The following ANKRD11 variants were observed in gnomAD, a reference collection of about 807,000 sequenced individuals.
The protein encoded by ANKRD11 is ankyrin repeat domain-containing protein 11.
Under a neutral mutation model 195.7 loss-of-function variants are expected in ANKRD11, and 17 were observed. That is an observed-to-expected ratio of 0.09 (90% CI 0.06 to 0.13). The LOEUF (loss-of-function observed/expected upper bound fraction) is 0.13, where lower values mean the gene tolerates loss of function less well. ANKRD11 is among the 10% of genes least tolerant of loss of function. ANKRD11 has a pLI of 1.00. For missense variants in ANKRD11, 3,735 were observed against 3,566.1 expected, an observed-to-expected ratio of 1.05 and a Z score of -1.21; for synonymous variants, 1,953 against 1,528.1, an observed-to-expected ratio of 1.28 and a Z score of -6.49.
Position 89,287,228 on chromosome 16 carries a change from C to G in ANKRD11, c.745-1042G>C. The G allele has an allele frequency of 5.1e-6, 3 of 587,616 alleles. No individual in the cohort carries two copies. In the South Asian group the frequency reaches 5.4e-5, roughly 11 times the overall value. 36.4% of individuals were successfully genotyped at this position (587,616 alleles called of 1,614,324 possible). The stretch of plus-strand genomic sequence containing the variant: ...TAAGGCCAGCAGCGCAGGTGCGGCC[C>G]TCCTCGGGTTCTAACCTCTCCTGCT... On this transcript the variant is annotated intron_variant, in intron 7 of 12. Coordinates refer to ENST00000301030, the MANE Select transcript of ANKRD11 (RefSeq NM_013275.6).
At chr16:89,441,850 A>C (rs2043520056) in intron 1 of ANKRD11, among the ~76,000 whole-genome samples, 1 of 150,156 alleles carries the variant, frequency 6.7e-6, no homozygotes, top group African/African-American at 2.5e-5. Flanking sequence ...CAGTGTCCAC[A>C]AGCAGGAATC....
intron 4 of ANKRD11, among the ~76,000 whole-genome samples, chr16:89,296,146 GGCT>G (rs1365730479): frequency 1.3e-5 from 2 of 151,778 alleles, no homozygotes; most frequent in African/African-American, 4.8e-5. Flanking sequence ...GTGTGCCTCT[GGCT>G]GCTTTTAACA....
At chr16:89,330,710 G>A (rs1330799648) in intron 2 of ANKRD11, among the ~76,000 whole-genome samples, 44 of 137,326 alleles carry the variant, frequency 3.2e-4, no homozygotes, top group Non-Finnish European at 2.1e-4. Flanking sequence ...CTCTTGTATC[G>A]GAAGTCCCAC....
intron 2 of ANKRD11, among the ~76,000 whole-genome samples, chr16:89,345,562 T>C (rs1485713790): frequency 3.3e-5 from 5 of 152,242 alleles, no homozygotes; most frequent in Admixed American, 2.6e-4. Context: ...TAAATTTCTG[T>C]TCTTTATAAA....
At chr16:89,439,755 C>T (rs2043365003) in intron 1 of ANKRD11, among the ~76,000 whole-genome samples, 1 of 152,208 alleles carries the variant, frequency 6.6e-6, no homozygotes, top group South Asian at 2.1e-4. Flanking sequence ...TGACACACAA[C>T]ACCAAAGGTG....
rs1342032421 is a variant in ANKRD11 at position 89,286,801 on chromosome 16, C to T, written c.745-615G>A. Reference sequence around the variant, plus strand: ...ACAGCTCTTTTCAGCTGTTCATCACCAGCAACCTGGATTTCCTATGCCCAG... The same window carrying T: ...ACAGCTCTTTTCAGCTGTTCATCACTAGCAACCTGGATTTCCTATGCCCAG... On this transcript the variant is annotated intron_variant, in intron 7 of 12. Transcript: ENST00000301030. 9 of 1,287,110 alleles carry T rather than the reference C, an allele frequency of 7.0e-6. No individual in the cohort carries two copies. The Admixed American group carries it at 2.1e-4, about 30-fold the overall frequency. 79.7% of individuals were successfully genotyped at this position (1,287,110 alleles called of 1,614,324 possible).
At position 89,284,813 on chromosome 16, in the gene ANKRD11, A is replaced by T. The variant is rs1443831366; in HGVS notation, c.1729T>A (p.Ser577Thr). 1 of 1,613,584 alleles carries T rather than the reference A, an allele frequency of 6.2e-7. No individual in the cohort carries two copies. The highest frequency in any genetic ancestry group is 1.3e-5 in the African/African-American group (1 of 74,942). ...CTGGAGCCCTCAGAGGAGTAGTCAG[A>T]CTCGCTTGTCAGTCTCGTCCTTGTG... ...DSTRTRLTSE[S>T]DYSSEGSSVE... Residue 577 changes from serine (S) to threonine (T), a missense_variant, in exon 9 of 13, where the codon TCT becomes ACT. Transcript: ENST00000301030.
rs749819586 is a variant in ANKRD11, at chr16:89,286,030, G to A, written c.892+9C>T. The A allele has an allele frequency of 5.0e-6, 8 of 1,614,178 alleles. No individual in the cohort carries two copies. The highest frequency in any genetic ancestry group is 1.3e-5 in the African/African-American group (1 of 75,068). On this transcript the variant is annotated intron_variant, in intron 8 of 12. Transcript: ENST00000301030. ...AAAAGAACAGGCAGCTCAGGTGGCCGTGACTTACCCGTCGAGCTCTCCTCG... is the reference window on the plus strand; with the variant it reads ...AAAAGAACAGGCAGCTCAGGTGGCCATGACTTACCCGTCGAGCTCTCCTCG...
At chr16:89,375,537 G>GC (rs1306662369) in intron 2 of ANKRD11, among the ~76,000 whole-genome samples, 1 of 151,822 alleles carries the variant, frequency 6.6e-6, no homozygotes. Flanking sequence ...TTGGCTCGCT[G>GC]CAACCTCTGC....
rs186069000 is a variant in ANKRD11 at position 89,407,610 on chromosome 16, C to T, written c.-60+10674G>A. 4.6e-3 allele frequency among the ~76,000 whole-genome samples: 694 copies of T among 152,350 alleles called. 4 individuals are homozygous for T. The highest frequency in any genetic ancestry group is 0.011 in the Admixed American group (162 of 15,292). On this transcript the variant is annotated intron_variant, in intron 2 of 12. Coordinates refer to ENST00000301030, the MANE Select transcript of ANKRD11 (RefSeq NM_013275.6). ...CCGAGGCAGGTGGATTGCTTGAGTT[C>T]AGGAGTTCAAGACCAGCCTGAGTAA...
At chr16:89,391,096 T>C (rs1207312894) in intron 2 of ANKRD11, among the ~76,000 whole-genome samples, 3 of 151,716 alleles carry the variant, frequency 2.0e-5, no homozygotes, top group Non-Finnish European at 2.9e-5. Context: ...GGCGCGGTGG[T>C]GGGCGCCTGT....
rs1004698072 is a variant in ANKRD11 at position 89,391,853 on chromosome 16, G to A, written c.-60+26431C>T. ...TACTGACATTCTTAAATATCTGCTA[G>A]CCTTAATAAAGAAATCAATGTACTT... On this transcript the variant is annotated intron_variant, in intron 2 of 12. Coordinates refer to ENST00000301030, the MANE Select transcript of ANKRD11 (RefSeq NM_013275.6). Among the ~76,000 whole-genome samples, 9 of 152,306 alleles carry A rather than the reference G, an allele frequency of 5.9e-5. No individual in the cohort carries two copies. In the South Asian group the frequency reaches 1.2e-3, roughly 21 times the overall value.
chr16:89,326,132 A>G (rs1485863517), intron 2 of ANKRD11, among the ~76,000 whole-genome samples: 2 of 152,254 alleles, frequency 1.3e-5, no homozygotes, highest in African/African-American at 4.8e-5. Flanking sequence ...AGACAAAGAA[A>G]AGCAGGCGTG....
intron 2 of ANKRD11, among the ~76,000 whole-genome samples, chr16:89,340,742 T>C (rs1361871788): frequency 1.3e-5 from 2 of 152,242 alleles, no homozygotes; most frequent in African/African-American, 2.4e-5. Context: ...AGGCTGTTCA[T>C]TGGCAAAACA....
At chr16:89,272,972 A>G (rs1389597143) in intron 11 of ANKRD11, 3 of 150,508 alleles carry the variant, frequency 2.0e-5, no homozygotes, top group Non-Finnish European at 4.4e-5. Context: ...GACACAGAGT[A>G]GAACGACGGT....
intron 4 of ANKRD11, chr16:89,301,643 G>A (rs1377505753): frequency 7.5e-6 from 3 of 398,732 alleles, no homozygotes; most frequent in Non-Finnish European, 1.3e-5. Flanking sequence ...CGCTCTGGAA[G>A]ACACAGAGGT....
At chr16:89,485,987 G>T (rs1360038259) in intron 1 of ANKRD11, among the ~76,000 whole-genome samples, 2 of 152,088 alleles carry the variant, frequency 1.3e-5, no homozygotes, top group African/African-American at 4.8e-5. Context: ...ACTGCTTCTG[G>T]CCCTTCTACT....
chr16:89,269,000 G>C (rs2032888584), intron 12 of ANKRD11, among the ~76,000 whole-genome samples: 1 of 152,236 alleles, frequency 6.6e-6, no homozygotes, highest in African/African-American at 2.4e-5. Context: ...CTTTGCTTTT[G>C]TCATTTTACA....
At chr16:89,351,756 G>A (rs1435012487) in intron 2 of ANKRD11, among the ~76,000 whole-genome samples, 1 of 152,224 alleles carries the variant, frequency 6.6e-6, no homozygotes, top group Non-Finnish European at 1.5e-5. Context: ...GGAACAAGGA[G>A]TGACGATTAA....
Sources: allele counts gnomAD v4.1 joint callset (sites outside exome capture counted in the v4.1 genomes callset), GRCh38; gene constraint gnomAD v4.1.1; transcripts MANE v1.5; gene names NCBI Gene and HGNC (gene_info 2026-07-23, HGNC 2026-07-21).